Variants in ITFG1 observed in about 807,000 individuals in gnomAD.
ITFG1 encodes integrin alpha FG-GAP repeat containing 1.
ITFG1 carries 34 observed loss-of-function variants against 81.8 expected under a neutral mutation model. That is an observed-to-expected ratio of 0.42 (90% CI 0.32 to 0.55). ITFG1 has a LOEUF of 0.55. Among genes scored for constraint, ITFG1 ranks in the 20% least tolerant of loss-of-function variants. ITFG1 has a pLI of 0.17. For synonymous variants in ITFG1, 285 were observed against 270.6 expected (o/e 1.05, Z -0.52); for missense variants, 672 against 755.4 (o/e 0.89, Z 1.29).
intron 8 of ITFG1, among the ~76,000 whole-genome samples, chr16:47,341,256 AAAATAAAT>A (rs111605574): frequency 4.0e-5 from 6 of 150,712 alleles, no homozygotes; most frequent in Non-Finnish European, 8.8e-5. Context: ...CCATCTGTAA[AAAATAAAT>A]AAATAAATAA....
intron 13 of ITFG1, among the ~76,000 whole-genome samples, chr16:47,230,322 G>T (rs1596821780): frequency 6.6e-6 from 1 of 152,186 alleles, no homozygotes; most frequent in African/African-American, 2.4e-5. Context: ...TTCGGTAAGT[G>T]TTGGCAGTAT....
chr16:47,230,949 C>T (rs1310727291), intron 13 of ITFG1, among the ~76,000 whole-genome samples: 2 of 152,126 alleles, frequency 1.3e-5, no homozygotes, highest in Non-Finnish European at 2.9e-5. Context: ...GGGGTTTCAC[C>T]GTGTTAGCCA....
chr16:47,208,079 G>T (rs778073915), intron 14 of ITFG1, among the ~76,000 whole-genome samples: 1 of 152,278 alleles, frequency 6.6e-6, no homozygotes, highest in East Asian at 1.9e-4. Flanking sequence ...GCCAAGACTT[G>T]AAATCAGGAG....
chr16:47,227,385 G>C (rs1451750907), intron 13 of ITFG1, among the ~76,000 whole-genome samples: 2 of 152,108 alleles, frequency 1.3e-5, no homozygotes, highest in Non-Finnish European at 2.9e-5. Context: ...TTGTTTGAAA[G>C]AATTCAGGGA....
chr16:47,195,002 AT>A (rs923990613), intron 14 of ITFG1, among the ~76,000 whole-genome samples: 1 of 152,188 alleles, frequency 6.6e-6, no homozygotes, highest in African/African-American at 2.4e-5. Context: ...CACTTTACAA[AT>A]GATTCTGATG....
At chr16:47,387,466 T>C (rs944912733) in intron 6 of ITFG1, among the ~76,000 whole-genome samples, 3 of 152,152 alleles carry the variant, frequency 2.0e-5, no homozygotes, top group African/African-American at 4.8e-5. Context: ...GCCCTATATC[T>C]GGGCAAGCTG....
intron 10 of ITFG1, among the ~76,000 whole-genome samples, chr16:47,267,522 C>T (rs192623681): frequency 4.6e-5 from 7 of 152,180 alleles, no homozygotes; most frequent in African/African-American, 7.2e-5. Flanking sequence ...ATAAAATCAA[C>T]GAAGATAAAG....
intron 5 of ITFG1, among the ~76,000 whole-genome samples, chr16:47,443,950 A>T (rs1035627333): frequency 7.9e-5 from 12 of 152,168 alleles, no homozygotes; most frequent in African/African-American, 2.2e-4. Context: ...AGAAATTTAG[A>T]ACTGCTGATC....
At chr16:47,441,210 C>T (rs914451858) in intron 5 of ITFG1, among the ~76,000 whole-genome samples, 8 of 152,090 alleles carry the variant, frequency 5.3e-5, no homozygotes, top group African/African-American at 1.9e-4. Flanking sequence ...CAAAAAAAGT[C>T]CAGGACCAGA....
chr16:47,275,753 C>T (rs1966391385), intron 10 of ITFG1, among the ~76,000 whole-genome samples: 1 of 152,000 alleles, frequency 6.6e-6, no homozygotes, highest in South Asian at 2.1e-4. Flanking sequence ...GTAATTCTGC[C>T]ATTTTTAGAC....
At chr16:47,394,284 A>T (rs948550362) in intron 6 of ITFG1, among the ~76,000 whole-genome samples, 1 of 152,148 alleles carries the variant, frequency 6.6e-6, no homozygotes, top group Non-Finnish European at 1.5e-5. Flanking sequence ...TAGCATACTG[A>T]TCAGAATTAC....
intron 10 of ITFG1, among the ~76,000 whole-genome samples, chr16:47,277,608 T>C (rs1966411051): frequency 6.6e-6 from 1 of 152,190 alleles, no homozygotes; most frequent in Non-Finnish European, 1.5e-5. Flanking sequence ...ACACAGTACC[T>C]TGAAACTTCA....
chr16:47,196,389 C>T (rs978498911), intron 14 of ITFG1: 1 of 152,034 alleles, frequency 6.6e-6, no homozygotes, highest in African/African-American at 2.4e-5. Context: ...AGTTTGTTTG[C>T]TTACAATGCT....
chr16:47,231,804 A>T (rs1965819302), intron 13 of ITFG1, among the ~76,000 whole-genome samples: 1 of 152,210 alleles, frequency 6.6e-6, no homozygotes, highest in Non-Finnish European at 1.5e-5. Flanking sequence ...GAATAATGGT[A>T]CTCCAAAGAT....
intron 6 of ITFG1, among the ~76,000 whole-genome samples, chr16:47,412,816 T>A (rs1968828929): frequency 6.7e-6 from 1 of 150,138 alleles, no homozygotes; most frequent in Non-Finnish European, 1.5e-5. Context: ...CAGACAAAAA[T>A]AAAGAAAAAT....
chr16:47,410,318 A>G (rs1237118960), intron 6 of ITFG1, among the ~76,000 whole-genome samples: 1 of 152,144 alleles, frequency 6.6e-6, no homozygotes, highest in African/African-American at 2.4e-5. Flanking sequence ...CAAAGTATGT[A>G]GTAAATAAGC....
chr16:47,216,606 TA>T (rs1329395404), intron 14 of ITFG1, among the ~76,000 whole-genome samples: 2 of 152,170 alleles, frequency 1.3e-5, no homozygotes, highest in Non-Finnish European at 2.9e-5. Context: ...AGATAAATGT[TA>T]ATTTTTTATT....
chr16:47,306,051 C>A (rs906817399), intron 10 of ITFG1, among the ~76,000 whole-genome samples: 4 of 152,010 alleles, frequency 2.6e-5, no homozygotes, highest in African/African-American at 9.7e-5. Flanking sequence ...AGAGAGAGAA[C>A]TAGAAGTGTC....
intron 5 of ITFG1, among the ~76,000 whole-genome samples, chr16:47,445,061 C>T (rs931061175): frequency 2.0e-5 from 3 of 149,494 alleles, no homozygotes; most frequent in African/African-American, 7.4e-5. Context: ...TCAACATGGA[C>T]CATGATGTCT....
Sources: gnomAD v4.1 joint callset for allele counts (sites outside exome capture counted in the v4.1 genomes callset) on GRCh38, gnomAD v4.1.1 for gene constraint, MANE v1.5 for transcripts, NCBI Gene and HGNC (gene_info 2026-07-23, HGNC 2026-07-21) for gene names.